Variants in HMGN5 observed in about 807,000 individuals in gnomAD.
HMGN5 encodes the protein high mobility group nucleosome-binding domain-containing protein 5.
Under a neutral mutation model 9.5 loss-of-function variants are expected in HMGN5, and 4 were observed. The ratio of observed to expected loss-of-function variants is 0.42; its 90% CI spans 0.21 to 0.96. The LOEUF is 0.96. Ranked by LOEUF, HMGN5 falls within the 40% of genes least tolerant of loss-of-function variation. The probability of loss-of-function intolerance (pLI) is 0.30; values close to 1 mark genes in which losing one functional copy is unlikely to be tolerated. For missense variants in HMGN5, 192 were observed against 187.5 expected (o/e 1.02, Z -0.14); for synonymous variants, 55 against 57.1 (o/e 0.96, Z 0.16).
At chrX:81,199,676 T>C (rs1007660172) in intron 1 of HMGN5, among the ~76,000 whole-genome samples, 12 of 112,197 alleles carry the variant, frequency 1.1e-4, no homozygotes, top group African/African-American at 3.9e-4. Flanking sequence ...GCTAGCCATA[T>C]GTAGAAAGCT....
intron 1 of HMGN5, among the ~76,000 whole-genome samples, chrX:81,166,467 A>T (rs2075411649): frequency 8.9e-6 from 1 of 111,959 alleles, no homozygotes; most frequent in African/African-American, 3.2e-5. Context: ...TCAGAAAGCT[A>T]GTAAATCGCT....
At position 81,164,461 on chromosome X, in the gene HMGN5, A is replaced by G. The variant is rs752786717; in HGVS notation, c.-124+37276T>C. On this transcript the variant is annotated intron_variant, in intron 1 of 6. Coordinates refer to ENST00000358130, the MANE Select transcript of HMGN5 (RefSeq NM_030763.3). Reference sequence around the variant, plus strand: ...TTCCCAACTTTGTTATATTTTGTCAATCTAGGAACTGAGATTTCTTTGTCC... The same window carrying G: ...TTCCCAACTTTGTTATATTTTGTCAGTCTAGGAACTGAGATTTCTTTGTCC... 4.5e-5 allele frequency among the ~76,000 whole-genome samples: 5 copies of G among 111,313 alleles called. No homozygotes were observed. In the East Asian group the frequency reaches 1.1e-3, roughly 25 times the overall value.
chrX:81,198,959 G>A (rs1042371392), intron 1 of HMGN5, among the ~76,000 whole-genome samples: 1 of 111,878 alleles, frequency 8.9e-6, no homozygotes. Flanking sequence ...CACATGACAT[G>A]ATTGTATACT....
At chrX:81,134,158 G>A (rs1242877513) in intron 1 of HMGN5, among the ~76,000 whole-genome samples, 1 of 111,011 alleles carries the variant, frequency 9.0e-6, no homozygotes, top group Non-Finnish European at 1.9e-5. Context: ...TTTAAACATA[G>A]CTGACTACTG....
At position 81,188,303 on chromosome X, in the gene HMGN5, T is replaced by A. The variant is rs186549394; in HGVS notation, c.-124+13434A>T. 8.6e-5 allele frequency among the ~76,000 whole-genome samples: 9 copies of A among 104,085 alleles called. No individual in the cohort carries two copies. In the East Asian group the frequency reaches 2.7e-3, roughly 31 times the overall value. 90.4% of individuals were successfully genotyped at this position (104,085 alleles called of 115,157 possible). ...TTATTATTATTATTATTATTATTATTGTTATTGTACTGATGGGGTTTTGCT... is the reference window on the plus strand; with the variant it reads ...TTATTATTATTATTATTATTATTATAGTTATTGTACTGATGGGGTTTTGCT... On this transcript the variant is annotated intron_variant, in intron 1 of 6. Coordinates refer to ENST00000358130, the MANE Select transcript of HMGN5 (RefSeq NM_030763.3).
chrX:81,188,326 G>T (rs1240758965), intron 1 of HMGN5, among the ~76,000 whole-genome samples: 2 of 105,116 alleles, frequency 1.9e-5, no homozygotes, highest in African/African-American at 6.9e-5. Flanking sequence ...ATGGGGTTTT[G>T]CTACACTGCC....
intron 1 of HMGN5, among the ~76,000 whole-genome samples, chrX:81,152,299 A>G (rs1440003989): frequency 8.9e-6 from 1 of 112,020 alleles, no homozygotes; most frequent in Admixed American, 9.5e-5. Context: ...AATTTACAAG[A>G]AAAAAACAAA....
intron 1 of HMGN5, among the ~76,000 whole-genome samples, chrX:81,169,126 G>A (rs2075418617): frequency 9.0e-6 from 1 of 111,586 alleles, no homozygotes; most frequent in Admixed American, 9.5e-5. Flanking sequence ...GAACTGAAGG[G>A]AAAATGCTCA....
At chrX:81,198,487 T>C (rs1190704770) in intron 1 of HMGN5, among the ~76,000 whole-genome samples, 2 of 111,099 alleles carry the variant, frequency 1.8e-5, no homozygotes, top group African/African-American at 6.6e-5. Flanking sequence ...AGTAAAATAC[T>C]GGCAAACAGA....
intron 1 of HMGN5, among the ~76,000 whole-genome samples, chrX:81,182,569 C>T (rs933925665): frequency 8.9e-6 from 1 of 111,853 alleles, no homozygotes; most frequent in African/African-American, 3.3e-5. Flanking sequence ...CCCCAAGCTT[C>T]CTTGGTCTTG....
intron 1 of HMGN5, among the ~76,000 whole-genome samples, chrX:81,163,469 G>A (rs868803498): frequency 8.9e-6 from 1 of 112,058 alleles, no homozygotes; most frequent in Middle Eastern, 4.2e-3. Flanking sequence ...GTTCTAGACA[G>A]ACAGGTAGAA....
intron 1 of HMGN5, among the ~76,000 whole-genome samples, chrX:81,141,933 G>A (rs1418764606): frequency 1.8e-5 from 2 of 112,096 alleles, no homozygotes; most frequent in Non-Finnish European, 3.8e-5. Context: ...TAGTAGCTGT[G>A]TTGAGGAAGC....
intron 1 of HMGN5, among the ~76,000 whole-genome samples, chrX:81,176,856 C>G (rs1238765086): frequency 9.0e-6 from 1 of 111,584 alleles, no homozygotes; most frequent in East Asian, 2.8e-4. Flanking sequence ...GGAAAACACT[C>G]TGCAGGATAT....
At chrX:81,172,050 A>T (rs1197068557) in intron 1 of HMGN5, among the ~76,000 whole-genome samples, 5 of 110,988 alleles carry the variant, frequency 4.5e-5, no homozygotes, top group African/African-American at 1.6e-4. Context: ...AACAAAGGTA[A>T]ATATTATTTG....
At chrX:81,142,973 A>AAGC (rs2075333763) in intron 1 of HMGN5, among the ~76,000 whole-genome samples, 1 of 111,921 alleles carries the variant, frequency 8.9e-6, no homozygotes. Context: ...ATAAGCTAAA[A>AAGC]AGCAAGGGAA....
chrX:81,121,472 C>G (rs1415265990), intron 2 of HMGN5, 63 bp downstream of exon 2: 1 of 1,070,154 alleles, frequency 9.3e-7, no homozygotes, highest in Non-Finnish European at 1.3e-6. Context: ...CAAATAAATT[C>G]TTCCTATTAG....
chrX:81,146,505 G>C (rs772668401), intron 1 of HMGN5, among the ~76,000 whole-genome samples: 4 of 111,747 alleles, frequency 3.6e-5, no homozygotes, highest in Non-Finnish European at 7.5e-5. Flanking sequence ...GCAGTGTGTA[G>C]AGGGAAATTT....
At chrX:81,153,773 C>T (rs1213679815) in intron 1 of HMGN5, among the ~76,000 whole-genome samples, 1 of 100,394 alleles carries the variant, frequency 1.0e-5, no homozygotes, top group Non-Finnish European at 2.0e-5. Flanking sequence ...AAAAGTAATC[C>T]CATTTATAAT....
In HMGN5 at chrX:81,149,526, T is replaced by C. The variant is rs184139988; in HGVS notation, c.-123-27854A>G. On this transcript the variant is annotated intron_variant, in intron 1 of 6. Coordinates refer to ENST00000358130, the MANE Select transcript of HMGN5 (RefSeq NM_030763.3). ...TAGGAGAAATATCTAATGTAGATGA[T>C]GGTTTGACGGGTGCAGCAAAGCACC... Among the ~76,000 whole-genome samples, 579 of 111,600 alleles carry C rather than the reference T, an allele frequency of 5.2e-3. 4 individuals are homozygous for C. Among genetic ancestry groups the C allele is most frequent in the Non-Finnish European group, 6.6e-3 (349 of 53,116 alleles).
Sources: allele counts gnomAD v4.1 joint callset (sites outside exome capture counted in the v4.1 genomes callset), GRCh38; gene constraint gnomAD v4.1.1; transcripts MANE v1.5; gene names NCBI Gene and HGNC (gene_info 2026-07-23, HGNC 2026-07-21).